LRRC56: variants seen among roughly 807,000 people sequenced by gnomAD.
LRRC56 encodes leucine-rich repeat-containing protein 56.
LRRC56 carries 41 observed loss-of-function variants against 47.8 expected under a neutral mutation model. That is an observed-to-expected ratio of 0.86 (90% CI 0.67 to 1.11). The LOEUF (loss-of-function observed/expected upper bound fraction) is 1.11. Among genes scored for constraint, LRRC56 ranks in the 50% most tolerant of loss-of-function variants. The pLI, the probability that LRRC56 is intolerant of heterozygous loss-of-function variation, is 0.00. For synonymous variants in LRRC56, 387 were observed against 311.2 expected (o/e 1.24, Z -2.56); for missense variants, 759 against 704.2 (o/e 1.08, Z -0.88).
In LRRC56 at chr11:550,061, G is replaced by A. The variant is rs759228353; in HGVS notation, c.424-11G>A. 31 of 1,611,404 alleles carry A rather than the reference G, an allele frequency of 1.9e-5. No homozygotes were observed. Among genetic ancestry groups the A allele is most frequent in the East Asian group, 4.5e-5 (2 of 44,816 alleles). ...GGGCCGGGCCCTGGCTCAGAGCCCC[G>A]CGCTGCCCAGGAACTCTACGCCTCC... On this transcript the variant is annotated splice_polypyrimidine_tract_variant and intron_variant, in intron 7 of 13. Transcript: ENST00000270115.
At position 554,591 on chromosome 11, in the gene LRRC56, C is replaced by T. The variant is rs896350062; in HGVS notation, c.*315C>T. The T allele has an allele frequency of 4.9e-6, 2 of 410,622 alleles. No individual in the cohort carries two copies. The highest frequency in any genetic ancestry group is 8.7e-6 in the Non-Finnish European group (2 of 231,080). The allele number at this position is 410,622 out of a possible 1,614,324, so 25.4% of individuals were successfully genotyped here. ...TCACCCGAGCAGGCCTGTGAGAGGC[C>T]TCTCCTGCTAGAATTGGGCATGGCC... is the stretch of plus-strand genomic sequence containing the variant. On this transcript the variant is annotated 3_prime_UTR_variant, in exon 14 of 14. Transcript: ENST00000270115.
chr11:515,093 C>T, the LRRC56 span, among the ~76,000 whole-genome samples: 2 of 152,122 alleles, frequency 1.3e-5, no homozygotes, highest in Non-Finnish European at 2.9e-5. Flanking sequence ...CTTTCCTCCT[C>T]CTGAAGTTGG....
At chr11:534,458 G>A (rs1851332790), upstream of LRRC56, 1 of 692,714 alleles carries the variant, frequency 1.4e-6, no homozygotes, top group South Asian at 1.7e-5. Context: ...CATCTGAAGG[G>A]CAAACCCACA....
chr11:533,951 G>A (rs756348934), upstream of LRRC56: 4 of 1,609,660 alleles, frequency 2.5e-6, no homozygotes, highest in South Asian at 1.1e-5. Context: ...AATCCTGCAG[G>A]AGGACAGGGC....
intron 3 of LRRC56, 137 bp from the exon 4 acceptor site, chr11:540,537 T>A: frequency 1.5e-6 from 1 of 648,398 alleles, no homozygotes. Flanking sequence ...GAGCCTTCTC[T>A]AGGCTCGGGG....
intron 12 of LRRC56, 115 bp downstream of exon 12, chr11:552,347 T>C: frequency 7.0e-7 from 1 of 1,419,102 alleles, no homozygotes; most frequent in Non-Finnish European, 9.6e-7. Context: ...CATCCCTGCA[T>C]GTCCTGTCCC....
chr11:527,310 T>A, the LRRC56 span, among the ~76,000 whole-genome samples: 1 of 151,706 alleles, frequency 6.6e-6, no homozygotes, highest in South Asian at 2.1e-4. Context: ...AAAAAAAAAA[T>A]TTGCAACGTG....
the LRRC56 span, among the ~76,000 whole-genome samples, chr11:521,384 C>T: frequency 6.6e-6 from 1 of 152,192 alleles, no homozygotes; most frequent in Non-Finnish European, 1.5e-5. Context: ...TCACAGGTCA[C>T]TGCAGTCTGA....
chr11:552,433 C>G, intron 12 of LRRC56, 136 bp from the exon 13 acceptor site: 1 of 1,156,746 alleles, frequency 8.6e-7, no homozygotes, highest in Non-Finnish European at 1.2e-6. Flanking sequence ...CCCTGTGTGT[C>G]CTGTCCCGTG....
At chr11:523,796 C>T in the LRRC56 span, among the ~76,000 whole-genome samples, 3 of 150,768 alleles carry the variant, frequency 2.0e-5, no homozygotes, top group African/African-American at 7.3e-5. Flanking sequence ...GGTGTGGTGG[C>T]GCACGCCTGT....
At chr11:551,865 C>G (rs780128279) in intron 10 of LRRC56, 38 bp downstream of exon 10, 1 of 1,610,132 alleles carries the variant, frequency 6.2e-7, no homozygotes, top group South Asian at 1.1e-5. Context: ...TGCAGCCCCT[C>G]GGCCCCGAAC....
At chr11:533,417 G>A (rs776562293), upstream of LRRC56, 6 of 1,607,408 alleles carry the variant, frequency 3.7e-6, no homozygotes, top group East Asian at 4.5e-5. Flanking sequence ...GGCGGGGCGG[G>A]TCCCTGGCTA....
chr11:519,058 C>T, the LRRC56 span, among the ~76,000 whole-genome samples: 1 of 152,222 alleles, frequency 6.6e-6, no homozygotes, highest in Non-Finnish European at 1.5e-5. Flanking sequence ...CGTGTGTCCG[C>T]TGTGCAAACC....
At chr11:535,158 G>A (rs1282639756), upstream of LRRC56, 1 of 152,086 alleles carries the variant, frequency 6.6e-6, no homozygotes, top group African/African-American at 2.4e-5. Flanking sequence ...GCCGGCGTGG[G>A]GACCGTGCCC....
chr11:529,231 G>A, the LRRC56 span: 1 of 152,388 alleles, frequency 6.6e-6, no homozygotes, highest in South Asian at 2.1e-4. Flanking sequence ...TCCTGTGCTG[G>A]ACCCAACCTA....
chr11:534,388 G>T, upstream of LRRC56: 1 of 1,336,326 alleles, frequency 7.5e-7, no homozygotes, highest in Non-Finnish European at 1.1e-6. Context: ...GCCAAGGAGG[G>T]CCCTGCTCAG....
chr11:550,100 C>T lies in LRRC56; in HGVS notation c.452C>T (p.Ser151Leu), dbSNP rs560844721. The part of the protein sequence containing the change: ...KELYASYNNI[S>L]DLSPLCLLEQ... ...CTCTACGCCTCCTACAACAACATCTCGGACCTGAGCCCACTGTGCCTGCTG... is the reference window on the plus strand; with the variant it reads ...CTCTACGCCTCCTACAACAACATCTTGGACCTGAGCCCACTGTGCCTGCTG... The change falls in exon 8 of 14, where the codon TCG (serine) becomes TTG (leucine). Residue 151 changes from serine to leucine, a missense_variant. By Grantham distance (145) the Ser-to-Leu change is moderately radical. Transcript: ENST00000270115. 23 of 1,612,920 alleles carry T rather than the reference C, an allele frequency of 1.4e-5. No individual in the cohort carries two copies. Among genetic ancestry groups the T allele is most frequent in the East Asian group, 4.5e-5 (2 of 44,884 alleles).
chr11:548,039 T>C (rs1226851631), intron 6 of LRRC56, among the ~76,000 whole-genome samples: 1 of 151,932 alleles, frequency 6.6e-6, no homozygotes, highest in African/African-American at 2.4e-5. Flanking sequence ...GGCAGGAGAA[T>C]TGCTTGAACC....
upstream of LRRC56, chr11:534,156 T>C: frequency 4.3e-6 from 6 of 1,398,640 alleles, 1 homozygote; most frequent in Middle Eastern, 5.3e-4. Flanking sequence ...ATCCTGGCTG[T>C]GTCCTGGGCT....
Sources: allele counts gnomAD v4.1 joint callset (sites outside exome capture counted in the v4.1 genomes callset), GRCh38; gene constraint gnomAD v4.1.1; transcripts MANE v1.5; gene names NCBI Gene and HGNC (gene_info 2026-07-23, HGNC 2026-07-21).